Variants in DCAF8L2 observed in about 807,000 individuals in gnomAD.
The protein encoded by DCAF8L2 is DDB1- and CUL4-associated factor 8-like protein 2.
For missense variants in DCAF8L2, 430 were observed against 490.7 expected, an observed-to-expected ratio of 0.88 and a Z score of 1.17; for synonymous variants, 200 against 190.9, an observed-to-expected ratio of 1.05 and a Z score of -0.39.
the DCAF8L2 span, among the ~76,000 whole-genome samples, chrX:27,534,098 C>T: frequency 9.1e-6 from 1 of 110,475 alleles, no homozygotes; most frequent in African/African-American, 3.3e-5. Context: ...GTAGTCCCAG[C>T]TCCTGGGGAG....
At chrX:27,534,676 C>T in the DCAF8L2 span, among the ~76,000 whole-genome samples, 1 of 112,279 alleles carries the variant, frequency 8.9e-6, no homozygotes, top group African/African-American at 3.2e-5. Context: ...ATTAGAAGCA[C>T]TTCTTCAGGC....
At chrX:27,523,719 T>G in the DCAF8L2 span, among the ~76,000 whole-genome samples, 1 of 109,346 alleles carries the variant, frequency 9.1e-6, no homozygotes, top group Non-Finnish European at 1.9e-5. Context: ...CTGCACCAGT[T>G]AACTCGTCAT....
intron 3 of DCAF8L2, among the ~76,000 whole-genome samples, chrX:27,696,274 GAAAGAAAGAAAGAAAGAAAGAAA>G (rs1930903172): frequency 4.0e-5 from 1 of 24,946 alleles, no homozygotes. Context: ...GAGAGAGAAA[GAAAGAAAGAAAGAAAGAAAGAAA>G]GAAAGAAAGA....
chrX:27,612,601 C>A (rs1326680045), intron 1 of DCAF8L2, among the ~76,000 whole-genome samples: 2 of 111,955 alleles, frequency 1.8e-5, no homozygotes, highest in Admixed American at 1.9e-4. Context: ...AGTCTTTATT[C>A]CATCTTGAAT....
At chrX:27,699,880 C>CA (rs1931066165) in intron 3 of DCAF8L2, among the ~76,000 whole-genome samples, 1 of 109,890 alleles carries the variant, frequency 9.1e-6, no homozygotes, top group Non-Finnish European at 1.9e-5. Context: ...AAAAATAAAA[C>CA]AAAAAATAGC....
the DCAF8L2 span, among the ~76,000 whole-genome samples, chrX:27,514,696 C>CAAAAAAAAAAAAACA: frequency 7.5e-5 from 3 of 39,956 alleles, no homozygotes; most frequent in East Asian, 9.1e-4. Flanking sequence ...AAAAAAAAAA[C>CAAAAAAAAAAAAACA]AAAAAAAAAA....
chrX:27,480,458 G>A, the DCAF8L2 span, among the ~76,000 whole-genome samples: 1 of 110,998 alleles, frequency 9.0e-6, no homozygotes, highest in East Asian at 2.8e-4. Flanking sequence ...TTGCCTAAGG[G>A]AAGGCATGGG....
chrX:27,639,833 A>G (rs369417143), intron 2 of DCAF8L2, among the ~76,000 whole-genome samples: 40 of 112,021 alleles, frequency 3.6e-4, no homozygotes, highest in Non-Finnish European at 5.5e-4. Context: ...TTTAATCGTA[A>G]TACATATTAT....
chrX:27,631,158 T>A (rs914735305), intron 1 of DCAF8L2, among the ~76,000 whole-genome samples: 7 of 111,853 alleles, frequency 6.3e-5, no homozygotes, highest in African/African-American at 2.3e-4. Context: ...ATGATCTTTT[T>A]AATAGGAGTA....
chrX:27,525,035 G>A, the DCAF8L2 span, among the ~76,000 whole-genome samples: 11 of 112,023 alleles, frequency 9.8e-5, no homozygotes, highest in Non-Finnish European at 2.1e-4. Flanking sequence ...TTCTGTAGAT[G>A]TCTATTTGGT....
chrX:27,696,274 GAAAGAAAGAAAGAAAGAAAGAAAGAAA>G (rs1930903330), intron 3 of DCAF8L2, among the ~76,000 whole-genome samples: 1 of 24,946 alleles, frequency 4.0e-5, no homozygotes, highest in Non-Finnish European at 7.0e-5. Flanking sequence ...GAGAGAGAAA[GAAAGAAAGAAAGAAAGAAAGAAAGAAA>G]GAAAGAAAGA....
chrX:27,570,241 G>A, the DCAF8L2 span, among the ~76,000 whole-genome samples: 4 of 110,812 alleles, frequency 3.6e-5, no homozygotes, highest in African/African-American at 1.3e-4. Context: ...TAGTTCAATG[G>A]TATCTTTTGG....
chrX:27,526,938 G>C, the DCAF8L2 span, among the ~76,000 whole-genome samples: 2 of 111,892 alleles, frequency 1.8e-5, no homozygotes, highest in Non-Finnish European at 3.8e-5. Flanking sequence ...TGCCCCTACT[G>C]GGGGGTGCCT....
At chrX:27,684,497 C>T (rs1042597628) in intron 3 of DCAF8L2, among the ~76,000 whole-genome samples, 3 of 111,742 alleles carry the variant, frequency 2.7e-5, no homozygotes, top group South Asian at 3.7e-4. Context: ...GTAAAATATA[C>T]AGGTGGATGA....
chrX:27,588,686 G>A (rs1330710926), upstream of DCAF8L2, among the ~76,000 whole-genome samples: 1 of 110,498 alleles, frequency 9.0e-6, no homozygotes, highest in African/African-American at 3.3e-5. Flanking sequence ...TGACAGGTGT[G>A]AGACCAGTAG....
chrX:27,622,005 AC>A (rs201245009), intron 1 of DCAF8L2, among the ~76,000 whole-genome samples: 24 of 109,089 alleles, frequency 2.2e-4, no homozygotes, highest in South Asian at 8.0e-4. Flanking sequence ...AACAACAACA[AC>A]AAAAAAAAAA....
At chrX:27,518,029 G>A in the DCAF8L2 span, 1 of 1,012,596 alleles carries the variant, frequency 9.9e-7, no homozygotes, top group African/African-American at 1.9e-5. Flanking sequence ...ACAGCAAGAT[G>A]TTAAAAAAGT....
chrX:27,693,900 A>G (rs1024843781), intron 3 of DCAF8L2, among the ~76,000 whole-genome samples: 20 of 112,000 alleles, frequency 1.8e-4, no homozygotes, highest in African/African-American at 6.5e-4. Flanking sequence ...TACCAAAAAT[A>G]CATACACTCA....
chrX:27,560,189 C>A, the DCAF8L2 span, among the ~76,000 whole-genome samples: 1 of 107,615 alleles, frequency 9.3e-6, no homozygotes, highest in Non-Finnish European at 1.9e-5. Flanking sequence ...ATGGCATGAA[C>A]CCAGGAGGCA....
Sources: gnomAD v4.1 joint callset for allele counts (sites outside exome capture counted in the v4.1 genomes callset) on GRCh38, gnomAD v4.1.1 for gene constraint, MANE v1.5 for transcripts, NCBI Gene and HGNC (gene_info 2026-07-23, HGNC 2026-07-21) for gene names.